The following TTC28 variants were observed in gnomAD, a reference collection of about 807,000 sequenced individuals.
TTC28 encodes the protein tetratricopeptide repeat protein 28.
A neutral mutation model predicts 198.0 loss-of-function variants in TTC28; 61 were observed. That is an observed-to-expected ratio of 0.31 (90% CI 0.25 to 0.38). The LOEUF (loss-of-function observed/expected upper bound fraction) is 0.38. Ranked by LOEUF, TTC28 falls within the 10% of genes least tolerant of loss-of-function variation. The pLI, the probability that TTC28 is intolerant of heterozygous loss-of-function variation, is 1.00. For missense variants in TTC28, 2,678 were observed against 3,164.0 expected (o/e 0.85, Z 3.69); for synonymous variants, 1,171 against 1,297.8 (o/e 0.90, Z 2.10).
intron 2 of TTC28, among the ~76,000 whole-genome samples, chr22:28,553,258 A>T (rs1271656163): frequency 7.3e-6 from 1 of 136,072 alleles, no homozygotes; most frequent in African/African-American, 2.8e-5. Flanking sequence ...ATCGTCTGGG[A>T]TGTGAGGAGC....
chr22:28,245,487 C>A (rs192107628), intron 5 of TTC28, among the ~76,000 whole-genome samples: 35 of 152,208 alleles, frequency 2.3e-4, no homozygotes, highest in Non-Finnish European at 3.8e-4. Flanking sequence ...TAAGGTCACA[C>A]TGTTAATAAA....
intron 12 of TTC28, among the ~76,000 whole-genome samples, chr22:28,061,362 A>C (rs1940531036): frequency 1.3e-5 from 2 of 152,314 alleles, no homozygotes; most frequent in South Asian, 4.1e-4. Context: ...TCTAACACTT[A>C]AGTCTTTAAT....
chr22:28,532,129 GA>G (rs1394798271), intron 2 of TTC28, among the ~76,000 whole-genome samples: 1 of 151,976 alleles, frequency 6.6e-6, no homozygotes, highest in African/African-American at 2.4e-5. Flanking sequence ...GTGGTTTTCT[GA>G]AAAGATCAAC....
chr22:28,274,107 C>T (rs914505977), intron 5 of TTC28, among the ~76,000 whole-genome samples: 2 of 152,094 alleles, frequency 1.3e-5, no homozygotes. Flanking sequence ...AAATACTAGC[C>T]TATGCTGTTG....
At chr22:28,424,995 G>A (rs557813818) in intron 2 of TTC28, among the ~76,000 whole-genome samples, 1 of 152,272 alleles carries the variant, frequency 6.6e-6, no homozygotes, top group Admixed American at 6.5e-5. Context: ...TGACCTAAAA[G>A]CCTTTTGACA....
chr22:28,163,495 T>A lies in TTC28; in HGVS notation c.1038A>T (p.Gln346His). 1 of 1,551,754 alleles carries A rather than the reference T, an allele frequency of 6.4e-7. No individual in the cohort carries two copies. The highest frequency in any genetic ancestry group is 2.4e-5 in the East Asian group (1 of 40,918). ...GGGCTTCAGAAAGTTCATCTTTGGA[T>A]TGCTTGGCAAGAAGAACACACTGTT... ...SHKQCVLLAK[Q>H]SKDELSEARE... Residue 346 changes from glutamine to histidine, a missense_variant, in exon 6 of 23, where the codon CAA (glutamine) becomes CAT (histidine). Gln to His is a conservative substitution (Grantham distance 24, BLOSUM62 0). Transcript: ENST00000397906.
At chr22:28,349,950 G>C (rs9620782) in intron 2 of TTC28, among the ~76,000 whole-genome samples, 2,008 of 152,290 alleles carry the variant, frequency 0.013, 42 homozygotes, top group African/African-American at 0.046. Context: ...TTACACTACA[G>C]TGAAGATGAG....
chr22:28,184,185 T>C (rs1353790499), intron 5 of TTC28, among the ~76,000 whole-genome samples: 1 of 152,204 alleles, frequency 6.6e-6, no homozygotes, highest in Non-Finnish European at 1.5e-5. Flanking sequence ...AGCTTAGAAT[T>C]GTGTCTGACA....
At chr22:28,379,947 C>T (rs2046469950) in intron 2 of TTC28, among the ~76,000 whole-genome samples, 1 of 151,840 alleles carries the variant, frequency 6.6e-6, no homozygotes, top group Non-Finnish European at 1.5e-5. Flanking sequence ...TGGATTACAT[C>T]TTAGGACAGA....
At chr22:28,513,395 T>C (rs550000366) in intron 2 of TTC28, among the ~76,000 whole-genome samples, 2 of 152,164 alleles carry the variant, frequency 1.3e-5, no homozygotes, top group African/African-American at 2.4e-5. Flanking sequence ...AAGTGGTATA[T>C]TGACTTTTTC....
At chr22:28,291,704 C>G (rs1007126314) in intron 5 of TTC28, among the ~76,000 whole-genome samples, 3 of 152,036 alleles carry the variant, frequency 2.0e-5, no homozygotes, top group African/African-American at 7.2e-5. Context: ...AATAATTTAA[C>G]TAAAGGAAAT....
At chr22:28,625,916 G>A (rs958096267) in intron 2 of TTC28, among the ~76,000 whole-genome samples, 1 of 152,118 alleles carries the variant, frequency 6.6e-6, no homozygotes. Context: ...TGTGACAAAG[G>A]TGCCAGGATA....
In TTC28 at chr22:28,388,053, A is replaced by T. The variant is rs113664756; in HGVS notation, c.382-81410T>A. Reference sequence around the variant, plus strand: ...GTAAGGAAGGGATCCAGTTTCAGCTATCTACATATGGCTAGCCAGTTTTCC... The same window carrying T: ...GTAAGGAAGGGATCCAGTTTCAGCTTTCTACATATGGCTAGCCAGTTTTCC... On this transcript the variant is annotated intron_variant, in intron 2 of 22. Transcript: ENST00000397906. Among the ~76,000 whole-genome samples the T allele has an allele frequency of 2.0e-3, 311 of 152,282 alleles. 1 individual carries two copies. The highest frequency in any genetic ancestry group is 5.5e-3 in the African/African-American group (230 of 41,556).
At chr22:28,554,244 C>T (rs1311118471) in intron 2 of TTC28, among the ~76,000 whole-genome samples, 6 of 151,784 alleles carry the variant, frequency 4.0e-5, no homozygotes, top group African/African-American at 1.5e-4. Flanking sequence ...TGCGGAAGGC[C>T]GCAGGGTCCT....
chr22:28,262,035 A>G (rs767384817), intron 5 of TTC28, among the ~76,000 whole-genome samples: 4 of 152,160 alleles, frequency 2.6e-5, no homozygotes, highest in Non-Finnish European at 4.4e-5. Context: ...TGAAAAATAG[A>G]TAACTTCAGG....
intron 2 of TTC28, among the ~76,000 whole-genome samples, chr22:28,387,842 A>C (rs1194273893): frequency 6.6e-6 from 1 of 152,022 alleles, no homozygotes; most frequent in Non-Finnish European, 1.5e-5. Context: ...GAAGCTCTTT[A>C]GTTTAATTAG....
intron 6 of TTC28, among the ~76,000 whole-genome samples, chr22:28,113,189 T>C (rs939212063): frequency 1.3e-5 from 2 of 152,196 alleles, no homozygotes; most frequent in Non-Finnish European, 2.9e-5. Context: ...TTTTCTCTTA[T>C]GAATTTTGTG....
intron 5 of TTC28, among the ~76,000 whole-genome samples, chr22:28,281,856 G>A (rs1303143402): frequency 6.6e-6 from 1 of 152,114 alleles, no homozygotes; most frequent in Non-Finnish European, 1.5e-5. Context: ...ATATGCCTGG[G>A]AGCTACCTAG....
At chr22:28,593,017 A>G (rs1277029386) in intron 2 of TTC28, among the ~76,000 whole-genome samples, 3 of 152,188 alleles carry the variant, frequency 2.0e-5, no homozygotes, top group African/African-American at 7.2e-5. Context: ...TAAGATTTGG[A>G]AAGAGCAGAA....
Sources: allele counts gnomAD v4.1 joint callset (sites outside exome capture counted in the v4.1 genomes callset), GRCh38; gene constraint gnomAD v4.1.1; transcripts MANE v1.5; gene names NCBI Gene and HGNC (gene_info 2026-07-23, HGNC 2026-07-21).